Variants in KIR3DL3 observed in about 807,000 individuals in gnomAD.
KIR3DL3 encodes the protein killer cell immunoglobulin like receptor, three Ig domains and long cytoplasmic tail 3.
KIR3DL3 carries 27 observed loss-of-function variants against 34.9 expected under a neutral mutation model. That is an observed-to-expected ratio of 0.77 (90% confidence interval 0.57 to 1.07). The LOEUF (loss-of-function observed/expected upper bound fraction) is 1.07, where lower values mean the gene tolerates loss of function less well. Among genes scored for constraint, KIR3DL3 ranks in the 50% least tolerant of loss-of-function variants. The pLI is 0.00. For synonymous variants in KIR3DL3, 217 were observed against 200.2 expected, an observed-to-expected ratio of 1.08 and a Z score of -0.71; for missense variants, 681 against 528.5, an observed-to-expected ratio of 1.29 and a Z score of -2.83.
At chr19:54,728,049 A>T in intron 4 of KIR3DL3, 139 bp downstream of exon 4, 1 of 835,348 alleles carries the variant, frequency 1.2e-6, no homozygotes, top group Admixed American at 2.4e-5. Context: ...GTCTGTACCA[A>T]CAAAGGCAGA....
Position 54,729,604 on chromosome 19 carries a change from C to A in KIR3DL3, c.767C>A (p.Ser256Tyr), listed in dbSNP as rs2068584021. Residue 256 changes from serine to tyrosine, a missense_variant, in exon 5 of 8, where the codon TCC becomes TAC. By Grantham distance (144) the Ser-to-Tyr change is moderately radical. Coordinates refer to ENST00000291860, the MANE Select transcript of KIR3DL3 (RefSeq NM_153443.5). ...AGCTTGTTTGACATTTACCATCTAT[C>A]CAGGGAGGCGGAGGCCGGTGAACTT... ...SRSLFDIYHL[S>Y]REAEAGELRL... 1 of 1,605,170 alleles carries A rather than the reference C, an allele frequency of 6.2e-7. No homozygotes were observed. Among genetic ancestry groups the A allele is most frequent in the Non-Finnish European group, 8.5e-7 (1 of 1,177,720 alleles).
rs2069589604 is a variant in KIR3DL3 at position 54,736,210 on chromosome 19, G to A, written c.*114G>A. 6.8e-7 allele frequency: 1 copy of A among 1,466,078 alleles called. No homozygotes were observed. Among genetic ancestry groups the A allele is most frequent in the Admixed American group, 1.7e-5 (1 of 57,798 alleles). The allele number at this position is 1,466,078 out of a possible 1,614,324, so 90.8% of individuals were successfully genotyped here. Reference sequence around the variant, plus strand: ...GACAATAGCCCTGTCTCAAAACCGGGTTGCCAGCTCCCATGTACCAGCAGC... The same window carrying A: ...GACAATAGCCCTGTCTCAAAACCGGATTGCCAGCTCCCATGTACCAGCAGC... On this transcript the variant is annotated 3_prime_UTR_variant, in exon 8 of 8. Coordinates refer to ENST00000291860, the MANE Select transcript of KIR3DL3 (RefSeq NM_153443.5).
chr19:54,734,367 T>A (rs1238918816), intron 5 of KIR3DL3, among the ~76,000 whole-genome samples: 1 of 150,760 alleles, frequency 6.6e-6, no homozygotes, highest in African/African-American at 2.4e-5. Context: ...TACTAACAGA[T>A]AAGCAGCGAG....
At position 54,735,870 on chromosome 19, in the gene KIR3DL3, G is replaced by C. The variant is rs1387154669; in HGVS notation, c.1105G>C (p.Glu369Gln). 3 of 1,606,942 alleles carry C rather than the reference G, an allele frequency of 1.9e-6. No homozygotes were observed. Among genetic ancestry groups the C allele is most frequent in the Non-Finnish European group, 2.5e-6 (3 of 1,177,984 alleles). Reference protein sequence around the residue: ...EPAGNRTVNREDSDEQDPQEV... With the variant: ...EPAGNRTVNRQDSDEQDPQEV... ...TGCAGGGAACAGAACAGTGAACAGG[G>C]AGGTAGGTGCTCCTCCGCCCAGCCT... The change falls in exon 7 of 8, where the codon GAG becomes CAG. Residue 369 changes from glutamate to glutamine, a missense_variant and splice_region_variant. Coordinates refer to ENST00000291860, the MANE Select transcript of KIR3DL3 (RefSeq NM_153443.5).
chr19:54,735,931 T>A (rs748359159), intron 7 of KIR3DL3, 40 bp from the exon 8 acceptor site: 4 of 1,606,888 alleles, frequency 2.5e-6, no homozygotes, highest in Non-Finnish European at 3.4e-6. Context: ...TCCTGGAAAA[T>A]GTGAGCACCC....
In KIR3DL3 at chr19:54,726,152, A is replaced by G; in HGVS notation, c.170A>G (p.Glu57Gly). 6.2e-7 allele frequency: 1 copy of G among 1,612,818 alleles called. No homozygotes were observed. The highest frequency in any genetic ancestry group is 1.1e-5 in the South Asian group (1 of 91,002). ...LQCRSRLGFN[E>G]FSLSKEDGMP... Reference sequence around the variant, plus strand: ...TGTCGCTCTCGTCTTGGGTTTAATGAATTCAGTCTGTCCAAAGAAGACGGG... The same window carrying G: ...TGTCGCTCTCGTCTTGGGTTTAATGGATTCAGTCTGTCCAAAGAAGACGGG... Residue 57 changes from glutamate to glycine, a missense_variant, in exon 3 of 8, where the codon GAA becomes GGA. Coordinates refer to ENST00000291860, the MANE Select transcript of KIR3DL3 (RefSeq NM_153443.5).
chr19:54,727,652 C>T lies in KIR3DL3; in HGVS notation c.397C>T (p.Leu133=). ...KPSLLAHPGP[L]VKSGETVILQ... ...TTCCCTCCTGGCCCACCCAGGTCCC[C>T]TGGTGAAATCAGGAGAGACGGTCAT... The change falls in exon 4 of 8, where the codon CTG becomes TTG. Residue 133 remains leucine (L), a synonymous_variant. Transcript: ENST00000291860. The T allele has an allele frequency of 6.2e-7, 1 of 1,611,990 alleles. No homozygotes were observed.
At position 54,727,663 on chromosome 19, in the gene KIR3DL3, A is replaced by G. The variant is rs62132664; in HGVS notation, c.408A>G (p.Ser136=). 0.82 allele frequency: 1,301,463 copies of G among 1,591,962 alleles called. 534,466 individuals carry two copies. Among genetic ancestry groups the G allele is most frequent in the East Asian group, 0.98 (43,828 of 44,540 alleles). Residue 136 remains serine (S), a synonymous_variant, in exon 4 of 8, where the codon TCA becomes TCG. Transcript: ENST00000291860. ...CCCACCCAGGTCCCCTGGTGAAATCAGGAGAGACGGTCATCCTGCAATGTT... is the reference window on the plus strand; with the variant it reads ...CCCACCCAGGTCCCCTGGTGAAATCGGGAGAGACGGTCATCCTGCAATGTT... ...LLAHPGPLVK[S]GETVILQCWS... is the part of the protein sequence containing the mutation.
chr19:54,729,158 T>A (rs2068521075), intron 4 of KIR3DL3, among the ~76,000 whole-genome samples: 1 of 146,738 alleles, frequency 6.8e-6, no homozygotes, highest in Non-Finnish European at 1.5e-5. Flanking sequence ...AGATAATAGA[T>A]AGAAATATGC....
At position 54,726,356 on chromosome 19, in the gene KIR3DL3, G is replaced by A; in HGVS notation, c.355+19G>A. The stretch of plus-strand genomic sequence containing the variant: ...GTCACAGGTCAGAGGCTTTCTGTCT[G>A]GGCTTCTCACTGTCCCACCTCCTGA... On this transcript the variant is annotated intron_variant, in intron 3 of 7. Transcript: ENST00000291860. The A allele has an allele frequency of 6.2e-7, 1 of 1,608,432 alleles. No homozygotes were observed. Among genetic ancestry groups the A allele is most frequent in the Non-Finnish European group, 8.5e-7 (1 of 1,178,336 alleles).
intron 3 of KIR3DL3, among the ~76,000 whole-genome samples, chr19:54,726,682 A>G (rs2068221085): frequency 6.8e-6 from 1 of 146,266 alleles, no homozygotes; most frequent in Non-Finnish European, 1.5e-5. Context: ...GAGGAGGAAG[A>G]GGAAAGTGGG....
At chr19:54,735,711 T>C (rs528883707) in intron 6 of KIR3DL3, 109 bp from the exon 7 acceptor site, 33 of 1,267,062 alleles carry the variant, frequency 2.6e-5, no homozygotes, top group Non-Finnish European at 3.6e-5. Flanking sequence ...TGTTGGCAAC[T>C]GAGGGACCTC....
At position 54,727,641 on chromosome 19, in the gene KIR3DL3, AC is replaced by A; in HGVS notation, c.389del (p.Pro130GlnfsTer5). The A allele has an allele frequency of 6.2e-7, 1 of 1,611,846 alleles. No individual in the cohort carries two copies. The highest frequency in any genetic ancestry group is 1.7e-5 in the Admixed American group (1 of 59,658). The stretch of plus-strand genomic sequence containing the variant: ...CACAGAAAACCTTCCCTCCTGGCCC[AC>A]CCAGGTCCCCTGGTGAAATCAGGAG... ...GVHRKPSLLA[H>X]PGPLVKSGET... On this transcript the variant is annotated frameshift_variant, in exon 4 of 8. Transcript: ENST00000291860. LOFTEE classifies it high-confidence loss of function.
Position 54,736,114 on chromosome 19 carries a change from C to T in KIR3DL3, c.*18C>T, listed in dbSNP as rs1428753437. ...GCGTGTAACACGGAACTTCCAAATG[C>T]TGAGCGCAGATCCAAAGTTGTCTTC... On this transcript the variant is annotated 3_prime_UTR_variant, in exon 8 of 8. Transcript: ENST00000291860. The T allele has an allele frequency of 5.4e-4, 875 of 1,611,758 alleles. 1 individual carries two copies. The highest frequency in any genetic ancestry group is 4.7e-4 in the Non-Finnish European group (559 of 1,179,612).
chr19:54,729,741 C>A lies in KIR3DL3; in HGVS notation c.904C>A (p.His302Asn). ...RCFGSFRALP[H>N]AWSDPSDPLP... ...CTTCGGCTCTTTCCGTGCCCTGCCC[C>A]ATGCGTGGTCAGACCCGAGTGACCC... Residue 302 changes from histidine (H) to asparagine (N), a missense_variant, in exon 5 of 8, where the codon CAT (histidine) becomes AAT (asparagine). By Grantham distance (68) the His-to-Asn change is moderately conservative. Coordinates refer to ENST00000291860, the MANE Select transcript of KIR3DL3 (RefSeq NM_153443.5). The A allele has an allele frequency of 1.3e-6, 2 of 1,585,596 alleles. No individual in the cohort carries two copies. Among genetic ancestry groups the A allele is most frequent in the Non-Finnish European group, 1.7e-6 (2 of 1,169,940 alleles).
At chr19:54,731,744 C>CCCTTCCT (rs1362585677) in intron 5 of KIR3DL3, among the ~76,000 whole-genome samples, 1 of 151,884 alleles carries the variant, frequency 6.6e-6, no homozygotes, top group Non-Finnish European at 1.5e-5. Context: ...GCCCCTGGTC[C>CCCTTCCT]CCTTCCTCCT....
At position 54,736,007 on chromosome 19, in the gene KIR3DL3, G is replaced by A. The variant is rs748343720; in HGVS notation, c.1144G>A (p.Ala382Thr). 1,459 of 1,613,252 alleles carry A rather than the reference G, an allele frequency of 9.0e-4. 27 individuals carry two copies. In the South Asian group the frequency reaches 0.015, roughly 16 times the overall value. The change falls in exon 8 of 8, where the codon GCA becomes ACA. Residue 382 changes from alanine (A) to threonine (T), a missense_variant. Ala to Thr is a moderately conservative substitution (Grantham distance 58). Coordinates refer to ENST00000291860, the MANE Select transcript of KIR3DL3 (RefSeq NM_153443.5). Reference protein sequence around the residue: ...DEQDPQEVTYAQLNHCVFTQR... With the variant: ...DEQDPQEVTYTQLNHCVFTQR... ...ACAAGACCCTCAGGAGGTGACATAC[G>A]CACAGTTGAATCACTGCGTTTTCAC...
intron 6 of KIR3DL3, among the ~76,000 whole-genome samples, 156 bp from the exon 7 acceptor site, chr19:54,735,664 A>G (rs4020729): frequency 0.077 from 6,853 of 88,676 alleles, 414 homozygotes; most frequent in Middle Eastern, 0.17. Flanking sequence ...CATGGGATGG[A>G]TCCTTGAGCT....
rs1471094439 is a variant in KIR3DL3 at position 54,729,454 on chromosome 19, G to A, written c.656-39G>A. The A allele has an allele frequency of 4.4e-5, 65 of 1,490,546 alleles. No homozygotes were observed. In the East Asian group the frequency reaches 1.4e-3, roughly 33 times the overall value. 92.3% of individuals were successfully genotyped at this position (1,490,546 alleles called of 1,614,324 possible). On this transcript the variant is annotated intron_variant, in intron 4 of 7. Coordinates refer to ENST00000291860, the MANE Select transcript of KIR3DL3 (RefSeq NM_153443.5). ...CAGGTGTGAGGAGAGCTGTGACAAG[G>A]AAGAACCTCCCTGAGGAAACCACCT...
Sources: gnomAD v4.1 joint callset for allele counts (sites outside exome capture counted in the v4.1 genomes callset) on GRCh38, gnomAD v4.1.1 for gene constraint, MANE v1.5 for transcripts, NCBI Gene and HGNC (gene_info 2026-07-23, HGNC 2026-07-21) for gene names.